Variants in PEAK1 observed in about 807,000 individuals in gnomAD.
PEAK1 encodes the protein pseudopodium enriched atypical kinase 1, also known as inactive tyrosine-protein kinase PEAK1.
A neutral mutation model predicts 124.7 loss-of-function variants in PEAK1; 54 were observed. That is an observed-to-expected ratio of 0.43 (90% CI 0.35 to 0.54). The LOEUF is 0.54. Ranked by LOEUF, PEAK1 falls within the 20% of genes least tolerant of loss-of-function variation. PEAK1 has a pLI of 0.01. For missense variants in PEAK1, 2,046 were observed against 2,134.5 expected, an observed-to-expected ratio of 0.96 and a Z score of 0.82; for synonymous variants, 719 against 760.0, an observed-to-expected ratio of 0.95 and a Z score of 0.89.
chr15:77,270,703 C>G (rs899381001), intron 5 of PEAK1, among the ~76,000 whole-genome samples: 1 of 152,068 alleles, frequency 6.6e-6, no homozygotes, highest in African/African-American at 2.4e-5. Context: ...TTTTCCAATT[C>G]TGTGAAGAAA....
chr15:77,155,547 G>A (rs2055049826), intron 8 of PEAK1: 1 of 152,260 alleles, frequency 6.6e-6, no homozygotes, highest in Admixed American at 6.5e-5. Flanking sequence ...TTCCTTTGGA[G>A]GAGGAGAGTG....
chr15:77,116,784 T>C (rs1800034837), intron 9 of PEAK1, among the ~76,000 whole-genome samples: 1 of 152,146 alleles, frequency 6.6e-6, no homozygotes, highest in African/African-American at 2.4e-5. Context: ...TCAAGTCTTC[T>C]ACTACCTATC....
chr15:77,409,196 C>T (rs1173851111), intron 1 of PEAK1, among the ~76,000 whole-genome samples: 1 of 148,278 alleles, frequency 6.7e-6, no homozygotes, highest in Non-Finnish European at 1.5e-5. Context: ...GTGCTCCTGT[C>T]AATGTGGGTG....
intron 6 of PEAK1, among the ~76,000 whole-genome samples, chr15:77,248,352 A>G (rs1388845301): frequency 1.3e-5 from 2 of 152,248 alleles, no homozygotes; most frequent in Non-Finnish European, 2.9e-5. Flanking sequence ...AACAAGAGCT[A>G]TGTCAAACAG....
intron 1 of PEAK1, among the ~76,000 whole-genome samples, chr15:77,367,943 T>C (rs962286760): frequency 1.3e-5 from 2 of 152,168 alleles, no homozygotes; most frequent in African/African-American, 4.8e-5. Context: ...TGCCAGTGAA[T>C]GTGGAAGCAT....
chr15:77,162,871 A>G (rs1007583124), intron 7 of PEAK1, among the ~76,000 whole-genome samples: 24 of 152,198 alleles, frequency 1.6e-4, no homozygotes, highest in African/African-American at 5.5e-4. Flanking sequence ...CTTATATACT[A>G]TATGTTAGCA....
At chr15:77,226,358 A>G (rs2059676510) in intron 6 of PEAK1, among the ~76,000 whole-genome samples, 1 of 151,796 alleles carries the variant, frequency 6.6e-6, no homozygotes, top group Non-Finnish European at 1.5e-5. Context: ...ATGATAACGA[A>G]TTAGGTATTC....
chr15:77,415,892 C>A (rs1466717407), intron 1 of PEAK1, among the ~76,000 whole-genome samples: 1 of 152,176 alleles, frequency 6.6e-6, no homozygotes, highest in Non-Finnish European at 1.5e-5. Flanking sequence ...TTTCCAGGCT[C>A]ACATTAAGAA....
intron 7 of PEAK1, among the ~76,000 whole-genome samples, chr15:77,172,147 A>G (rs1323235985): frequency 6.6e-6 from 1 of 152,138 alleles, no homozygotes; most frequent in Non-Finnish European, 1.5e-5. Flanking sequence ...ATATCAATAA[A>G]CTTTTTGTAC....
chr15:77,308,097 T>G (rs540233199), intron 2 of PEAK1, among the ~76,000 whole-genome samples: 16 of 152,196 alleles, frequency 1.1e-4, no homozygotes, highest in African/African-American at 3.8e-4. Context: ...CACGGCACAA[T>G]TGAGCTTTTC....
intron 6 of PEAK1, among the ~76,000 whole-genome samples, chr15:77,242,042 C>T (rs1403161937): frequency 1.3e-5 from 2 of 151,954 alleles, no homozygotes; most frequent in Non-Finnish European, 1.5e-5. Context: ...CTGGATTTAT[C>T]CTAACATTAA....
chr15:77,337,400 G>A, intron 2 of PEAK1: 1 of 948,292 alleles, frequency 1.1e-6, no homozygotes, highest in Non-Finnish European at 1.3e-6. Context: ...TTATAATAAT[G>A]TAAAGTAACT....
intron 1 of PEAK1, among the ~76,000 whole-genome samples, chr15:77,393,696 T>C (rs1404954051): frequency 6.6e-6 from 1 of 151,966 alleles, no homozygotes; most frequent in African/African-American, 2.4e-5. Flanking sequence ...CCTCATACAT[T>C]CCCAGCTGTG....
intron 2 of PEAK1, among the ~76,000 whole-genome samples, chr15:77,341,504 G>GA (rs918697533): frequency 0.01 from 1,412 of 137,486 alleles, 24 homozygotes; most frequent in African/African-American, 0.034. Flanking sequence ...CATCTCAAAA[G>GA]AAAAAAAAAA....
chr15:77,241,874 A>T (rs1309205793), intron 6 of PEAK1, among the ~76,000 whole-genome samples: 1 of 152,120 alleles, frequency 6.6e-6, no homozygotes, highest in Non-Finnish European at 1.5e-5. Flanking sequence ...CAACTGGAAG[A>T]CCCAACATAG....
chr15:77,354,338 A>T (rs1567298682), intron 2 of PEAK1, among the ~76,000 whole-genome samples: 1 of 152,164 alleles, frequency 6.6e-6, no homozygotes, highest in Non-Finnish European at 1.5e-5. Context: ...ATTAGTCACC[A>T]ATTTCTATGA....
Position 77,211,836 on chromosome 15 carries a change from G to A in PEAK1, c.-114-29796C>T, listed in dbSNP as rs1006338568. ...GCACTCCAGCCTGGGAGAAAAGAGC[G>A]AAACTCCATCTCAAAAAAAAAAAAA... is the stretch of plus-strand genomic sequence containing the variant. On this transcript the variant is annotated intron_variant, in intron 6 of 9. Coordinates refer to ENST00000682557, the MANE Select transcript of PEAK1 (RefSeq NM_001385026.1). 7.5e-4 allele frequency among the ~76,000 whole-genome samples: 64 copies of A among 85,668 alleles called. No individual in the cohort carries two copies. In the East Asian group the frequency reaches 0.021, roughly 27 times the overall value. The allele number at this position is 85,668 out of a possible 152,430, so 56.2% of individuals were successfully genotyped here. A position where few individuals can be genotyped will look rare whatever the true frequency, so the allele number is the denominator to read the frequency against.
intron 2 of PEAK1, among the ~76,000 whole-genome samples, chr15:77,322,732 C>T (rs909799800): frequency 7.2e-5 from 11 of 152,292 alleles, no homozygotes; most frequent in Admixed American, 5.2e-4. Context: ...CCTTCTGAAA[C>T]TATTCCAATT....
chr15:77,114,053 G>C lies in PEAK1; in HGVS notation c.*103C>G. On this transcript the variant is annotated 3_prime_UTR_variant, in exon 10 of 10. Transcript: ENST00000682557. Reference sequence around the variant, plus strand: ...TGTTCACGGACAGGGATAGAGGTTTGCCTTTCTTCTTTCCTTGAATTTGGA... The same window carrying C: ...TGTTCACGGACAGGGATAGAGGTTTCCCTTTCTTCTTTCCTTGAATTTGGA... 1 of 1,264,488 alleles carries C rather than the reference G, an allele frequency of 7.9e-7. No individual in the cohort carries two copies. Among genetic ancestry groups the C allele is most frequent in the Non-Finnish European group, 1.1e-6 (1 of 890,060 alleles). The allele number at this position is 1,264,488 out of a possible 1,614,324, so 78.3% of individuals were successfully genotyped here. A position where few individuals can be genotyped will look rare whatever the true frequency, so the allele number is the denominator to read the frequency against.
Sources: allele counts gnomAD v4.1 joint callset (sites outside exome capture counted in the v4.1 genomes callset), GRCh38; gene constraint gnomAD v4.1.1; transcripts MANE v1.5; gene names NCBI Gene and HGNC (gene_info 2026-07-23, HGNC 2026-07-21).